The following EFNA5 variants were observed in gnomAD, a reference collection of about 807,000 sequenced individuals.
EFNA5 encodes the protein ephrin A5.
Under a neutral mutation model 22.9 loss-of-function variants are expected in EFNA5, and 5 were observed. That is an observed-to-expected ratio of 0.22 (90% CI 0.11 to 0.46). The LOEUF (loss-of-function observed/expected upper bound fraction) is 0.46. Ranked by LOEUF, EFNA5 falls within the 20% of genes least tolerant of loss-of-function variation. EFNA5 has a pLI of 0.99. For synonymous variants in EFNA5, 113 were observed against 112.2 expected, an observed-to-expected ratio of 1.01 and a Z score of -0.04; for missense variants, 237 against 293.3, an observed-to-expected ratio of 0.81 and a Z score of 1.40.
At chr5:107,665,276 A>G (rs1312678495) in intron 1 of EFNA5, among the ~76,000 whole-genome samples, 1 of 152,176 alleles carries the variant, frequency 6.6e-6, no homozygotes, top group Non-Finnish European at 1.5e-5. Context: ...TTATGTCCTT[A>G]TCCAACAGGA....
intron 1 of EFNA5, among the ~76,000 whole-genome samples, chr5:107,470,949 A>G (rs746235550): frequency 6.6e-5 from 10 of 152,148 alleles, no homozygotes; most frequent in Non-Finnish European, 1.5e-4. Flanking sequence ...CCCATCTACT[A>G]AGTTCTGATG....
intron 1 of EFNA5, among the ~76,000 whole-genome samples, chr5:107,555,823 C>T (rs562628412): frequency 1.3e-5 from 2 of 152,300 alleles, no homozygotes; most frequent in Non-Finnish European, 2.9e-5. Context: ...ATTCTTTCTA[C>T]TTCTTTCTCA....
intron 1 of EFNA5, among the ~76,000 whole-genome samples, chr5:107,638,436 G>A (rs543740037): frequency 3.4e-4 from 52 of 152,218 alleles, no homozygotes; most frequent in Admixed American, 4.6e-4. Context: ...TATACAACAT[G>A]GTGGCTACAG....
intron 1 of EFNA5, among the ~76,000 whole-genome samples, chr5:107,435,490 G>C (rs192722273): frequency 9.2e-5 from 14 of 152,074 alleles, no homozygotes; most frequent in Non-Finnish European, 1.9e-4. Context: ...CTATCTTTCA[G>C]ATGTATTGGT....
At chr5:107,511,354 C>A (rs545647343) in intron 1 of EFNA5, among the ~76,000 whole-genome samples, 5 of 152,104 alleles carry the variant, frequency 3.3e-5, no homozygotes, top group Admixed American at 3.3e-4. Flanking sequence ...ATATAAAATC[C>A]CCACGAAGTT....
At chr5:107,585,402 A>G (rs536205938) in intron 1 of EFNA5, among the ~76,000 whole-genome samples, 1 of 152,346 alleles carries the variant, frequency 6.6e-6, no homozygotes, top group East Asian at 1.9e-4. Flanking sequence ...GCAACAGCCA[A>G]TTCAAGGCAA....
intron 1 of EFNA5, among the ~76,000 whole-genome samples, chr5:107,572,169 C>T (rs1748827937): frequency 1.3e-5 from 2 of 152,066 alleles, no homozygotes; most frequent in African/African-American, 2.4e-5. Flanking sequence ...ACCGAGAAAC[C>T]TGTTCTTATC....
intron 1 of EFNA5, among the ~76,000 whole-genome samples, chr5:107,484,635 C>T (rs1746536963): frequency 6.6e-6 from 1 of 152,150 alleles, no homozygotes; most frequent in Non-Finnish European, 1.5e-5. Flanking sequence ...AGTAAGACCA[C>T]TAGGAAACTC....
intron 1 of EFNA5, among the ~76,000 whole-genome samples, chr5:107,447,452 T>C (rs1315125791): frequency 6.6e-6 from 1 of 152,232 alleles, no homozygotes; most frequent in Non-Finnish European, 1.5e-5. Flanking sequence ...TAGCCTCCTG[T>C]GGCTCAGGCT....
intron 1 of EFNA5, among the ~76,000 whole-genome samples, chr5:107,498,308 CATAGCTCATACACGT>C (rs1382847802): frequency 2.0e-5 from 3 of 152,176 alleles, no homozygotes; most frequent in Non-Finnish European, 2.9e-5. Context: ...AACCTTTTTT[CATAGCTCATACACGT>C]ATATTTATTT....
intron 1 of EFNA5, among the ~76,000 whole-genome samples, chr5:107,612,762 G>A (rs1749841907): frequency 6.6e-6 from 1 of 152,116 alleles, no homozygotes; most frequent in Non-Finnish European, 1.5e-5. Context: ...TATTAATACA[G>A]GGAAAGCCTA....
chr5:107,471,351 G>A (rs1169994799), intron 1 of EFNA5, among the ~76,000 whole-genome samples: 1 of 151,988 alleles, frequency 6.6e-6, no homozygotes, highest in Non-Finnish European at 1.5e-5. Flanking sequence ...GTTAAGTTCT[G>A]TTAAGCTTTC....
intron 1 of EFNA5, among the ~76,000 whole-genome samples, chr5:107,468,662 A>T (rs26247): frequency 6.6e-6 from 1 of 152,022 alleles, no homozygotes; most frequent in Non-Finnish European, 1.5e-5. Flanking sequence ...TTGGCACTCT[A>T]CCAGCTTTCA....
At chr5:107,433,681 A>T (rs1288813809) in intron 1 of EFNA5, among the ~76,000 whole-genome samples, 1 of 152,168 alleles carries the variant, frequency 6.6e-6, no homozygotes, top group Non-Finnish European at 1.5e-5. Flanking sequence ...GGATCACTTG[A>T]GCCCAGGAGT....
At chr5:107,496,185 A>T (rs1746977027) in intron 1 of EFNA5, among the ~76,000 whole-genome samples, 1 of 150,392 alleles carries the variant, frequency 6.6e-6, no homozygotes, top group South Asian at 2.1e-4. Context: ...AAAAAAAAAA[A>T]AATACATAAA....
chr5:107,478,379 C>T, intron 1 of EFNA5, among the ~76,000 whole-genome samples: 1 of 152,202 alleles, frequency 6.6e-6, no homozygotes, highest in East Asian at 1.9e-4. Context: ...GTGTAATTAG[C>T]AACAACAAAT....
intron 1 of EFNA5, among the ~76,000 whole-genome samples, chr5:107,647,304 C>T (rs1398089392): frequency 2.6e-5 from 4 of 152,078 alleles, no homozygotes; most frequent in African/African-American, 9.7e-5. Context: ...TCTCACAATG[C>T]ATCGTGGGTA....
intron 1 of EFNA5, among the ~76,000 whole-genome samples, chr5:107,664,446 C>G: frequency 6.6e-6 from 1 of 152,078 alleles, no homozygotes; most frequent in East Asian, 1.9e-4. Context: ...ACATTAATCA[C>G]AAGAAACTTT....
chr5:107,384,370 C>T (rs1747553154), intron 4 of EFNA5, among the ~76,000 whole-genome samples: 1 of 152,144 alleles, frequency 6.6e-6, no homozygotes, highest in Admixed American at 6.5e-5. Flanking sequence ...CATATGTCTG[C>T]CCTGAGATCA....
Sources: gnomAD v4.1 joint callset for allele counts (sites outside exome capture counted in the v4.1 genomes callset) on GRCh38, gnomAD v4.1.1 for gene constraint, MANE v1.5 for transcripts, NCBI Gene and HGNC (gene_info 2026-07-23, HGNC 2026-07-21) for gene names.